Variants in CHST15 observed in about 807,000 individuals in gnomAD.
The protein encoded by CHST15 is carbohydrate sulfotransferase 15.
In CHST15, 30 loss-of-function variants were observed where a neutral mutation model predicts 53.6. That is an observed-to-expected ratio of 0.56 (90% CI 0.42 to 0.76). The LOEUF (loss-of-function observed/expected upper bound fraction) is 0.76. CHST15 is among the 30% of genes least tolerant of loss of function. The pLI, the probability that CHST15 is intolerant of heterozygous loss-of-function variation, is 0.00. For synonymous variants in CHST15, 296 were observed against 289.8 expected (o/e 1.02, Z -0.22); for missense variants, 627 against 740.5 (o/e 0.85, Z 1.78).
intron 4 of CHST15, 45 bp from the exon 5 acceptor site, chr10:124,038,716 C>T (rs779182802): frequency 7.5e-6 from 12 of 1,602,188 alleles, no homozygotes; most frequent in African/African-American, 1.3e-5. Flanking sequence ...GTGATTCAGG[C>T]TCCCACGGAG....
At chr10:124,018,865 G>GT (rs1344805056) in intron 6 of CHST15, among the ~76,000 whole-genome samples, 7 of 152,318 alleles carry the variant, frequency 4.6e-5, no homozygotes, top group African/African-American at 1.4e-4. Flanking sequence ...GCAGAGGGTA[G>GT]AACAGTGGAG....
intron 1 of CHST15, among the ~76,000 whole-genome samples, chr10:124,059,828 C>T (rs1948501168): frequency 6.6e-6 from 1 of 152,128 alleles, no homozygotes; most frequent in Non-Finnish European, 1.5e-5. Flanking sequence ...TCTGGTTAAC[C>T]CTTCAATGAG....
At position 124,019,689 on chromosome 10, in the gene CHST15, A is replaced by G; in HGVS notation, c.1347+1567T>C. 1 of 759,716 alleles carries G rather than the reference A, an allele frequency of 1.3e-6. No homozygotes were observed. The highest frequency in any genetic ancestry group is 6.0e-5 in the South Asian group (1 of 16,798). The allele number at this position is 759,716 out of a possible 1,614,324, so 47.1% of individuals were successfully genotyped here. A position where few individuals can be genotyped will look rare whatever the true frequency, so the allele number is the denominator to read the frequency against. ...GTTAGTCTTTTATTATAGGTGCCTC[A>G]GCCATGAACACAGTAGTGAGATATT... On this transcript the variant is annotated intron_variant, in intron 6 of 7. Coordinates refer to ENST00000435907, the MANE Select transcript of CHST15 (RefSeq NM_001270764.2). This position sits in a 1 kb window ranked among gnomAD's most constrained non-coding sequence, Gnocchi z 4.6.
chr10:124,029,688 T>C (rs995222890), intron 5 of CHST15, among the ~76,000 whole-genome samples: 10 of 152,216 alleles, frequency 6.6e-5, no homozygotes, highest in African/African-American at 2.4e-4. Context: ...GCACTGAGGA[T>C]TGGCGGGCTA....
chr10:124,018,276 T>C (rs2133846709), intron 6 of CHST15, among the ~76,000 whole-genome samples: 1 of 152,372 alleles, frequency 6.6e-6, no homozygotes, highest in African/African-American at 2.4e-5. Context: ...TAAATTCACC[T>C]GGAGACAGTC....
Position 124,008,009 on chromosome 10 carries a change from A to C in CHST15, c.*2140T>G, listed in dbSNP as rs1946317720. ...GAGAGAAAGGCCCCTGGAGGGAAAA[A>C]CCATGTCTGGATGGCATTGAGTGGC... is the stretch of plus-strand genomic sequence containing the variant. On this transcript the variant is annotated 3_prime_UTR_variant, in exon 8 of 8. Coordinates refer to ENST00000435907, the MANE Select transcript of CHST15 (RefSeq NM_001270764.2). 8.1e-7 allele frequency: 1 copy of C among 1,231,914 alleles called. No individual in the cohort carries two copies. Among genetic ancestry groups the C allele is most frequent in the African/African-American group, 1.6e-5 (1 of 64,352 alleles). 76.3% of individuals were successfully genotyped at this position (1,231,914 alleles called of 1,614,324 possible). A position where few individuals can be genotyped will look rare whatever the true frequency, so the allele number is the denominator to read the frequency against.
In CHST15 at chr10:124,018,293, C is replaced by T. The variant is rs1014003149; in HGVS notation, c.1347+2963G>A. On this transcript the variant is annotated intron_variant, in intron 6 of 7. Transcript: ENST00000435907. ...AATTCACCTGGAGACAGTCTCCTGACGATGTCACACATTTTGTTTGTAATT... is the reference window on the plus strand; with the variant it reads ...AATTCACCTGGAGACAGTCTCCTGATGATGTCACACATTTTGTTTGTAATT... Among the ~76,000 whole-genome samples the T allele has an allele frequency of 5.3e-5, 8 of 152,128 alleles. No individual in the cohort carries two copies. In the East Asian group the frequency reaches 5.8e-4, roughly 11 times the overall value.
At chr10:124,083,860 C>T (rs973627676) in intron 1 of CHST15, among the ~76,000 whole-genome samples, 15 of 152,130 alleles carry the variant, frequency 9.9e-5, no homozygotes, top group African/African-American at 2.4e-4. Context: ...AAAACTGTGA[C>T]GGATGATGAG....
chr10:124,059,579 G>T (rs868103625), intron 1 of CHST15, among the ~76,000 whole-genome samples: 2 of 152,310 alleles, frequency 1.3e-5, no homozygotes, highest in African/African-American at 4.8e-5. Context: ...AGTGGAAGAT[G>T]CCCGGCCCAG....
chr10:124,088,121 T>C (rs547497077), intron 1 of CHST15, among the ~76,000 whole-genome samples: 2 of 152,344 alleles, frequency 1.3e-5, no homozygotes, highest in Non-Finnish European at 2.9e-5. Context: ...TACTGAGCAC[T>C]TACTGGATGC....
chr10:124,088,207 C>A (rs1949494382), intron 1 of CHST15, among the ~76,000 whole-genome samples: 2 of 152,226 alleles, frequency 1.3e-5, no homozygotes, highest in South Asian at 4.1e-4. Context: ...CGAAGTCTTC[C>A]CGGAACACTC....
At chr10:124,033,494 C>T (rs1406399567) in intron 5 of CHST15, among the ~76,000 whole-genome samples, 1 of 152,228 alleles carries the variant, frequency 6.6e-6, no homozygotes, top group Non-Finnish European at 1.5e-5. Context: ...CCTGTAGTGT[C>T]TTCCCACTGA....
At chr10:124,093,210 G>A (rs897291907) in intron 1 of CHST15, among the ~76,000 whole-genome samples, 1 of 152,070 alleles carries the variant, frequency 6.6e-6, no homozygotes, top group African/African-American at 2.4e-5. Flanking sequence ...AACCTGCCTC[G>A]GCTCGTCGAG....
chr10:124,041,826 T>C (rs1338142547), intron 4 of CHST15, among the ~76,000 whole-genome samples: 1 of 152,214 alleles, frequency 6.6e-6, no homozygotes, highest in Non-Finnish European at 1.5e-5. Flanking sequence ...CAATTAGTTA[T>C]AGGCGATGTG....
In CHST15 at chr10:124,024,788, G is replaced by A. The variant is rs973823184; in HGVS notation, c.1191-3376C>T. Among the ~76,000 whole-genome samples, 1 of 152,204 alleles carries A rather than the reference G, an allele frequency of 6.6e-6. No homozygotes were observed. Among genetic ancestry groups the A allele is most frequent in the African/African-American group, 2.4e-5 (1 of 41,452 alleles). Reference sequence around the variant, plus strand: ...GAACCTTCAAGCAAGGTTTGGCTGTGTGCACTGAGGGGTGCCAGGTGGCAA... The same window carrying A: ...GAACCTTCAAGCAAGGTTTGGCTGTATGCACTGAGGGGTGCCAGGTGGCAA... On this transcript the variant is annotated intron_variant, in intron 5 of 7. Coordinates refer to ENST00000435907, the MANE Select transcript of CHST15 (RefSeq NM_001270764.2). This position sits in a 1 kb window ranked among gnomAD's most constrained non-coding sequence, Gnocchi z 4.0.
chr10:124,009,288 T>C lies in CHST15; in HGVS notation c.*861A>G. 9.1e-7 allele frequency: 1 copy of C among 1,096,252 alleles called. No individual in the cohort carries two copies. Among genetic ancestry groups the C allele is most frequent in the Non-Finnish European group, 1.1e-6 (1 of 890,292 alleles). 67.9% of individuals were successfully genotyped at this position (1,096,252 alleles called of 1,614,324 possible). A position where few individuals can be genotyped will look rare whatever the true frequency, so the allele number is the denominator to read the frequency against. ...ACAGCAAAAATTTCTCTTCCAATTATAAACTGAAGTTCTTGAGAAAACGTA... is the reference window on the plus strand; with the variant it reads ...ACAGCAAAAATTTCTCTTCCAATTACAAACTGAAGTTCTTGAGAAAACGTA... On this transcript the variant is annotated 3_prime_UTR_variant, in exon 8 of 8. Coordinates refer to ENST00000435907, the MANE Select transcript of CHST15 (RefSeq NM_001270764.2).
At chr10:124,017,104 C>T (rs541174798) in intron 6 of CHST15, among the ~76,000 whole-genome samples, 2 of 152,254 alleles carry the variant, frequency 1.3e-5, no homozygotes, top group South Asian at 2.1e-4. Flanking sequence ...ACTGTACGTG[C>T]ATATTAGATA....
rs1003244813 is a variant in CHST15 at position 124,021,077 on chromosome 10, G to C, written c.1347+179C>G. 2.7e-6 allele frequency: 4 copies of C among 1,468,612 alleles called. No homozygotes were observed. The African/African-American group carries it at 5.6e-5, about 21-fold the overall frequency. 91.0% of individuals were successfully genotyped at this position (1,468,612 alleles called of 1,614,324 possible). A position where few individuals can be genotyped will look rare whatever the true frequency, so the allele number is the denominator to read the frequency against. ...GAGGAAGGCAGGAGCCAGACCAAGAGCCCATCAGTTTTCAGCTTTTACATC... is the reference window on the plus strand; with the variant it reads ...GAGGAAGGCAGGAGCCAGACCAAGACCCCATCAGTTTTCAGCTTTTACATC... On this transcript the variant is annotated intron_variant, in intron 6 of 7. Coordinates refer to ENST00000435907, the MANE Select transcript of CHST15 (RefSeq NM_001270764.2).
At chr10:124,070,714 C>T (rs1948886952) in intron 1 of CHST15, among the ~76,000 whole-genome samples, 1 of 152,182 alleles carries the variant, frequency 6.6e-6, no homozygotes, top group South Asian at 2.1e-4. Context: ...ATGTCAGGCT[C>T]AAGTGTAGAG....
Sources: gnomAD v4.1 joint callset for allele counts (sites outside exome capture counted in the v4.1 genomes callset) on GRCh38, gnomAD v4.1.1 for gene constraint, Gnocchi (gnomAD v3.1) non-coding constraint, MANE v1.5 for transcripts, NCBI Gene and HGNC (gene_info 2026-07-23, HGNC 2026-07-21) for gene names.